Variants in CIT observed in about 807,000 individuals in gnomAD.
CIT encodes citron rho-interacting serine/threonine kinase.
In CIT, 79 loss-of-function variants were observed where a neutral mutation model predicts 272.7. The ratio of observed to expected loss-of-function variants is 0.29; its 90% confidence interval spans 0.24 to 0.35. The LOEUF is 0.35. Among genes scored for constraint, CIT ranks in the 10% least tolerant of loss-of-function variants. CIT has a pLI of 1.00. For missense variants in CIT, 1,909 were observed against 2,618.3 expected, an observed-to-expected ratio of 0.73 and a Z score of 5.91; for synonymous variants, 948 against 995.6, an observed-to-expected ratio of 0.95 and a Z score of 0.90.
At position 119,822,892 on chromosome 12, in the gene CIT, C is replaced by G; in HGVS notation, c.1039G>C (p.Glu347Gln). Residue 347 changes from glutamate (E) to glutamine (Q), a missense_variant, in exon 9 of 48, where the codon GAG becomes CAG. Physicochemically the swap from Glu to Gln is conservative, Grantham distance 29. This residue lies in a region of CIT where 529 missense variants were observed against 549.6 expected (regional missense o/e 0.96). Transcript: ENST00000392521. ...CAAAGACCTTCAAACTTCAGTCTCT[C>G]TTTCTGGCCGCACAACAAGCTTTGA... The part of the protein sequence containing the change: ...LIQSLLCGQK[E>Q]RLKFEGLCCH... 3 of 1,614,140 alleles carry G rather than the reference C, an allele frequency of 1.9e-6. No individual in the cohort carries two copies. The highest frequency in any genetic ancestry group is 2.5e-6 in the Non-Finnish European group (3 of 1,180,024).
intron 16 of CIT, among the ~76,000 whole-genome samples, chr12:119,774,558 ATGTGTGTG>A (rs3999585): frequency 0.46 from 69,790 of 150,542 alleles, 16,504 homozygotes; most frequent in Admixed American, 0.57. Flanking sequence ...CACAATGTAT[ATGTGTGTG>A]TGTGTGTGTG....
chr12:119,852,209 T>C (rs937044039), intron 4 of CIT, among the ~76,000 whole-genome samples: 13 of 152,160 alleles, frequency 8.5e-5, no homozygotes, highest in African/African-American at 3.1e-4. Flanking sequence ...TTGTCTGAGA[T>C]ATTCCGGCCA....
At chr12:119,742,370 T>C in intron 24 of CIT, 41 bp downstream of exon 24, 7 of 1,483,850 alleles carry the variant, frequency 4.7e-6, no homozygotes, top group Non-Finnish European at 6.4e-6. Flanking sequence ...TCTGTTTTAG[T>C]TTCATGTTAT....
At chr12:119,689,014 CG>C (rs1026944392) in intron 47 of CIT, among the ~76,000 whole-genome samples, 2 of 66,640 alleles carry the variant, frequency 3.0e-5, no homozygotes, top group Non-Finnish European at 5.9e-5. Context: ...TAAAAAGGGC[CG>C]GGGGTGGGGG....
chr12:119,741,094 CAAGGAGA>C (rs1343145497), intron 24 of CIT, among the ~76,000 whole-genome samples: 1 of 151,374 alleles, frequency 6.6e-6, no homozygotes, highest in African/African-American at 2.4e-5. Context: ...TGTCTACCAA[CAAGGAGA>C]ATGGATAAAC....
chr12:119,713,429 C>G lies in CIT; in HGVS notation c.4487+39G>C, dbSNP rs772077336. ...AACATCAGGGACAGAGTGGCTTGTGCCAGCACCTGCTCCAGCCCAAGCCAC... is the reference window on the plus strand; with the variant it reads ...AACATCAGGGACAGAGTGGCTTGTGGCAGCACCTGCTCCAGCCCAAGCCAC... On this transcript the variant is annotated intron_variant, in intron 34 of 47. Transcript: ENST00000392521. The surrounding 1 kb of genome is among the most constrained non-coding windows in gnomAD (Gnocchi z 5.2). 6.3e-7 allele frequency: 1 copy of G among 1,599,380 alleles called. No homozygotes were observed. Among genetic ancestry groups the G allele is most frequent in the Admixed American group, 1.7e-5 (1 of 58,936 alleles).
In CIT at chr12:119,790,394, T is replaced by C. The variant is rs431953; in HGVS notation, c.1296-5329A>G. On this transcript the variant is annotated intron_variant, in intron 10 of 47. Coordinates refer to ENST00000392521, the MANE Select transcript of CIT (RefSeq NM_001206999.2). ...CCTCTAACTGGTTGGAACTCTAAAA[T>C]GATGGGCAATGGGGTGCAGAGTTGC... Among the ~76,000 whole-genome samples, 1,260 of 152,216 alleles carry C rather than the reference T, an allele frequency of 8.3e-3. 18 individuals carry two copies. The highest frequency in any genetic ancestry group is 0.029 in the African/African-American group (1,196 of 41,516).
At chr12:119,760,855 G>T in intron 20 of CIT, 84 bp downstream of exon 20, 1 of 880,942 alleles carries the variant, frequency 1.1e-6, no homozygotes, top group Non-Finnish European at 1.9e-6. Flanking sequence ...TTCACCAGGT[G>T]AAATAGAGTC....
At chr12:119,807,665 T>C (rs1474323957) in intron 9 of CIT, among the ~76,000 whole-genome samples, 4 of 152,118 alleles carry the variant, frequency 2.6e-5, no homozygotes, top group African/African-American at 9.7e-5. Context: ...GCACCTAACA[T>C]AACACAGGCC....
chr12:119,779,881 T>C (rs185113807), intron 13 of CIT, among the ~76,000 whole-genome samples: 3 of 152,336 alleles, frequency 2.0e-5, no homozygotes, highest in Non-Finnish European at 4.4e-5. Flanking sequence ...GGAAATCCTA[T>C]AAATCTAGCA....
intron 9 of CIT, among the ~76,000 whole-genome samples, chr12:119,816,662 G>A (rs1257724975): frequency 6.6e-6 from 1 of 152,230 alleles, no homozygotes; most frequent in Non-Finnish European, 1.5e-5. Context: ...CACACTCTGA[G>A]TAGCAAGGTC....
chr12:119,703,984 T>C (rs530951672), intron 41 of CIT, among the ~76,000 whole-genome samples: 44 of 152,290 alleles, frequency 2.9e-4, no homozygotes, highest in African/African-American at 1.1e-3. Flanking sequence ...ACCTCTAGAA[T>C]TTGAGAAAGA....
Position 119,760,951 on chromosome 12 carries a change from G to A in CIT, c.2409C>T (p.Ser803=), listed in dbSNP as rs138651199. 3.9e-4 allele frequency: 634 copies of A among 1,611,842 alleles called. No individual in the cohort carries two copies. The highest frequency in any genetic ancestry group is 5.0e-4 in the Non-Finnish European group (586 of 1,177,950). Residue 803 remains serine (S), a synonymous_variant, in exon 20 of 48, where the codon AGC becomes AGT. Coordinates refer to ENST00000392521, the MANE Select transcript of CIT (RefSeq NM_001206999.2). ...EEAHEKGKIL[S]EQKAMINAMD... The stretch of plus-strand genomic sequence containing the variant: ...TCCTTCTACCTACCGCCTTCTGTTC[G>A]CTGAGAATTTTGCCCTTCTCATGGG...
rs1033213588 is a variant in CIT at position 119,734,674 on chromosome 12, T to G, written c.3157-317A>C. Among the ~76,000 whole-genome samples the G allele has an allele frequency of 4.6e-5, 7 of 152,214 alleles. No homozygotes were observed. The East Asian group carries it at 1.4e-3, about 29-fold the overall frequency. Reference sequence around the variant, plus strand: ...TTTTTCGAGACAGGGTCCAGCTCTGTCACCCAGGCTGGAGTACAGTGGCAT... The same window carrying G: ...TTTTTCGAGACAGGGTCCAGCTCTGGCACCCAGGCTGGAGTACAGTGGCAT... On this transcript the variant is annotated intron_variant, in intron 25 of 47. Transcript: ENST00000392521.
intron 40 of CIT, among the ~76,000 whole-genome samples, chr12:119,707,142 A>AT (rs756628687): frequency 2.6e-5 from 4 of 152,110 alleles, no homozygotes; most frequent in East Asian, 1.9e-4. Context: ...TCCACATTAG[A>AT]TTTTTTTTAA....
intron 46 of CIT, among the ~76,000 whole-genome samples, chr12:119,692,312 GAA>G (rs1955998702): frequency 6.6e-6 from 1 of 152,170 alleles, no homozygotes; most frequent in South Asian, 2.1e-4. Flanking sequence ...ATTAAAACAA[GAA>G]AAGTGTTTTC....
chr12:119,742,365 T>C (rs765382662), intron 24 of CIT, 46 bp downstream of exon 24: 1 of 1,419,972 alleles, frequency 7.0e-7, no homozygotes, highest in South Asian at 1.3e-5. Context: ...CCTCCTCTGT[T>C]TTAGTTTCAT....
chr12:119,777,907 C>T (rs942802828), intron 13 of CIT, among the ~76,000 whole-genome samples: 1 of 152,160 alleles, frequency 6.6e-6, no homozygotes, highest in African/African-American at 2.4e-5. Flanking sequence ...GTGCTCCTAA[C>T]ACAAATTGGA....
intron 2 of CIT, among the ~76,000 whole-genome samples, chr12:119,870,549 C>CAAAA (rs57894300): frequency 0.01 from 521 of 52,002 alleles, 15 homozygotes; most frequent in African/African-American, 0.013. Context: ...GACTCCCTCT[C>CAAAA]AAAAAAAAAA....
Sources: allele counts gnomAD v4.1 joint callset (sites outside exome capture counted in the v4.1 genomes callset), GRCh38; gene constraint gnomAD v4.1.1; regional missense constraint gnomAD v4.1.1; non-coding constraint Gnocchi (gnomAD v3.1); transcripts MANE v1.5; gene names NCBI Gene and HGNC (gene_info 2026-07-23, HGNC 2026-07-21).